The following ERI3 variants were observed in gnomAD, a reference collection of about 807,000 sequenced individuals.
ERI3 encodes the protein ERI1 exoribonuclease family member 3.
In ERI3, 18 loss-of-function variants were observed where a neutral mutation model predicts 44.4. The observed-to-expected ratio is 0.41, with a 90% CI of 0.28 to 0.60. The LOEUF is 0.60. ERI3 is among the 20% of genes least tolerant of loss of function. The probability of loss-of-function intolerance (pLI) is 0.36; values close to 1 mark genes in which losing one functional copy is unlikely to be tolerated. For missense variants in ERI3, 294 were observed against 435.5 expected (o/e 0.68, Z 2.89); for synonymous variants, 183 against 164.8 (o/e 1.11, Z -0.84).
At chr1:44,350,940 C>T (rs1391689736) in intron 2 of ERI3, among the ~76,000 whole-genome samples, 1 of 152,126 alleles carries the variant, frequency 6.6e-6, no homozygotes, top group Admixed American at 6.5e-5. Flanking sequence ...AAATAAAATG[C>T]TATCCACGTA....
chr1:44,339,371 A>G (rs535192066), intron 2 of ERI3, 49 bp from the exon 3 acceptor site: 3 of 1,469,376 alleles, frequency 2.0e-6, no homozygotes, highest in Admixed American at 2.3e-5. Flanking sequence ...AAAGAAAGAA[A>G]AAAAAAAAAA....
chr1:44,258,715 G>A (rs1644828123), intron 7 of ERI3, among the ~76,000 whole-genome samples: 1 of 152,174 alleles, frequency 6.6e-6, no homozygotes, highest in African/African-American at 2.4e-5. Context: ...GAAGGTGTAG[G>A]CTAGGAGCTC....
intron 6 of ERI3, among the ~76,000 whole-genome samples, chr1:44,302,471 C>T (rs748259048): frequency 6.6e-6 from 1 of 152,158 alleles, no homozygotes; most frequent in Admixed American, 6.5e-5. Context: ...GGCAACGGTG[C>T]GATGCCCCAT....
rs574513935 is a variant in ERI3, at chr1:44,344,833, G to A, written c.212-5511C>T. Among the ~76,000 whole-genome samples the A allele has an allele frequency of 1.9e-4, 29 of 152,274 alleles. No homozygotes were observed. The East Asian group carries it at 3.5e-3, about 18-fold the overall frequency. ...AAGGTATTAAGTAGCCCATGGCAAG[G>A]AGGAAAATGAATGATTCTCTCCTCA... On this transcript the variant is annotated intron_variant, in intron 2 of 8. Transcript: ENST00000372257.
intron 4 of ERI3, among the ~76,000 whole-genome samples, chr1:44,314,508 G>A (rs1439110031): frequency 6.6e-6 from 1 of 152,192 alleles, no homozygotes; most frequent in Non-Finnish European, 1.5e-5. Context: ...AAATTAGAAA[G>A]ATTAACTACA....
intron 8 of ERI3, among the ~76,000 whole-genome samples, chr1:44,231,555 T>A (rs1319694566): frequency 6.6e-6 from 1 of 151,980 alleles, no homozygotes; most frequent in Non-Finnish European, 1.5e-5. Flanking sequence ...TGTGTGTACA[T>A]ATGGGGTCTT....
At chr1:44,281,601 A>T (rs182268217) in intron 7 of ERI3, among the ~76,000 whole-genome samples, 7,193 of 127,782 alleles carry the variant, frequency 0.056, 344 homozygotes, top group African/African-American at 0.13. Context: ...AAAAAAAAAA[A>T]ATATATATAT....
chr1:44,352,022 T>A (rs776641820), intron 2 of ERI3, among the ~76,000 whole-genome samples: 12 of 152,158 alleles, frequency 7.9e-5, no homozygotes, highest in Non-Finnish European at 1.8e-4. Context: ...TTACTATCAG[T>A]CTCTCCCATG....
At chr1:44,329,836 C>T (rs569345709) in intron 3 of ERI3, among the ~76,000 whole-genome samples, 18 of 152,300 alleles carry the variant, frequency 1.2e-4, no homozygotes, top group Middle Eastern at 3.4e-3. Context: ...AGATTCCATG[C>T]GCCACTCCTT....
chr1:44,328,877 G>A (rs1471268730), intron 3 of ERI3, among the ~76,000 whole-genome samples: 4 of 152,102 alleles, frequency 2.6e-5, no homozygotes, highest in Non-Finnish European at 4.4e-5. Context: ...GCTAACCATC[G>A]CTAGCTCTTA....
intron 2 of ERI3, among the ~76,000 whole-genome samples, chr1:44,342,810 CTAATAT>C (rs1233560919): frequency 4.7e-5 from 2 of 42,856 alleles, no homozygotes; most frequent in Non-Finnish European, 8.5e-5. Context: ...CCACATCCAG[CTAATAT>C]ATATATATAT....
Position 44,228,910 on chromosome 1 carries a change from G to A in ERI3, c.932-7270C>T, listed in dbSNP as rs762597645. Reference sequence around the variant, plus strand: ...GACAAACCCTTATCCAGACTCCCAGGCCTGGCAGGACATGTCAACGTCATT... The same window carrying A: ...GACAAACCCTTATCCAGACTCCCAGACCTGGCAGGACATGTCAACGTCATT... On this transcript the variant is annotated intron_variant, in intron 8 of 8. Transcript: ENST00000372257. The surrounding 1 kb of genome is among the most constrained non-coding windows in gnomAD (Gnocchi z 4.3). 1.2e-3 allele frequency among the ~76,000 whole-genome samples: 185 copies of A among 152,336 alleles called. No homozygotes were observed. The highest frequency in any genetic ancestry group is 2.0e-3 in the Non-Finnish European group (138 of 68,028).
chr1:44,302,718 C>T (rs952356138), intron 6 of ERI3, among the ~76,000 whole-genome samples: 9 of 152,286 alleles, frequency 5.9e-5, no homozygotes, highest in Non-Finnish European at 1.3e-4. Context: ...CAGAAAACAT[C>T]CTGAGGCTCT....
At chr1:44,309,278 T>C (rs1382967654) in intron 5 of ERI3, among the ~76,000 whole-genome samples, 1 of 152,086 alleles carries the variant, frequency 6.6e-6, no homozygotes, top group Non-Finnish European at 1.5e-5. Flanking sequence ...GTGGATCACT[T>C]GAGGCCAGGA....
At chr1:44,346,492 G>C (rs1419412214) in intron 2 of ERI3, among the ~76,000 whole-genome samples, 1 of 152,188 alleles carries the variant, frequency 6.6e-6, no homozygotes, top group African/African-American at 2.4e-5. Flanking sequence ...GCAAAGTCCT[G>C]CAAGTCAGTT....
intron 7 of ERI3, among the ~76,000 whole-genome samples, chr1:44,277,247 A>T (rs115050681): frequency 1.3e-5 from 2 of 152,110 alleles, no homozygotes; most frequent in Non-Finnish European, 2.9e-5. Context: ...CCGCCTAAAG[A>T]GAGCCAATTT....
At chr1:44,320,546 G>C (rs1646178628) in intron 3 of ERI3, among the ~76,000 whole-genome samples, 1 of 152,182 alleles carries the variant, frequency 6.6e-6, no homozygotes, top group South Asian at 2.1e-4. Context: ...TGGGAAGGGA[G>C]GAACGCACCA....
At chr1:44,290,601 G>A (rs1343338571) in intron 6 of ERI3, among the ~76,000 whole-genome samples, 4 of 152,198 alleles carry the variant, frequency 2.6e-5, no homozygotes, top group Non-Finnish European at 4.4e-5. Context: ...TCCATGGGCA[G>A]CATGATTTGA....
In ERI3 at chr1:44,339,269, G is replaced by A. The variant is rs1646598843; in HGVS notation, c.265C>T (p.Arg89Ter). 3 of 1,610,220 alleles carry A rather than the reference G, an allele frequency of 1.9e-6. No homozygotes were observed. The highest frequency in any genetic ancestry group is 1.7e-6 in the Non-Finnish European group (2 of 1,179,284). Residue 89 changes from arginine to a stop codon, truncating the protein, a stop_gained, in exon 3 of 9, where the codon CGA becomes TGA. Coordinates refer to ENST00000372257, the MANE Select transcript of ERI3 (RefSeq NM_024066.3). LOFTEE classifies it high-confidence loss of function. Reference sequence around the variant, plus strand: ...CTTGAAAGTAAATACGAAGAAAATCGAGCTGCTCCAGTCTGTAAAGGTGCT... The same window carrying A: ...CTTGAAAGTAAATACGAAGAAAATCAAGCTGCTCCAGTCTGTAAAGGTGCT... The part of the protein sequence containing the change: ...MLAPLQTGAA[R>*]FSSYLLSRAR...
Sources: allele counts gnomAD v4.1 joint callset (sites outside exome capture counted in the v4.1 genomes callset), GRCh38; gene constraint gnomAD v4.1.1; non-coding constraint Gnocchi (gnomAD v3.1); transcripts MANE v1.5; gene names NCBI Gene and HGNC (gene_info 2026-07-23, HGNC 2026-07-21).